The following USP9X variants were observed in gnomAD, a reference collection of about 807,000 sequenced individuals.
USP9X encodes the protein ubiquitin carboxyl-terminal hydrolase 9X.
USP9X carries 7 observed loss-of-function variants against 190.3 expected under a neutral mutation model. The observed-to-expected ratio is 0.04, with a 90% CI of 0.02 to 0.07. The LOEUF (loss-of-function observed/expected upper bound fraction) is 0.07, where lower values mean the gene tolerates loss of function less well. USP9X is among the 10% of genes least tolerant of loss of function. The pLI is 1.00. For missense variants in USP9X, 1,010 were observed against 1,916.9 expected (o/e 0.53, Z 8.83); for synonymous variants, 645 against 659.5 (o/e 0.98, Z 0.34).
At chrX:41,223,515 G>A (rs2063283483) in intron 39 of USP9X, 113 bp downstream of exon 39, 2 of 787,742 alleles carry the variant, frequency 2.5e-6, no homozygotes, top group Non-Finnish European at 3.7e-6. Context: ...TCGGCTCACT[G>A]TAACCTCCGC....
At chrX:41,174,609 T>C (rs2062757373) in intron 21 of USP9X, among the ~76,000 whole-genome samples, 1 of 112,055 alleles carries the variant, frequency 8.9e-6, no homozygotes, top group African/African-American at 3.2e-5. Context: ...TCAGATAGTA[T>C]GTAATTTCAA....
intron 39 of USP9X, among the ~76,000 whole-genome samples, chrX:41,223,637 A>G (rs779801584): frequency 4.6e-4 from 51 of 111,209 alleles, no homozygotes; most frequent in African/African-American, 1.4e-3. Context: ...GGGTTTCGCC[A>G]TGTTGGTCAT....
In USP9X at chrX:41,215,836, G is replaced by GT. The variant is rs200417100; in HGVS notation, c.5332-50dup. 143,264 of 686,033 alleles carry GT rather than the reference G, an allele frequency of 0.21. 1,204 individuals carry two copies. Among genetic ancestry groups the GT allele is most frequent in the East Asian group, 0.28 (6,055 of 21,580 alleles). 56.5% of individuals were successfully genotyped at this position (686,033 alleles called of 1,213,427 possible). ...AATATCATTTAAAAGTTTGCTTGGG[G>GT]TTTTTTTTTTTTTCCTGTGGATTTT... On this transcript the variant is annotated intron_variant, in intron 34 of 44. Transcript: ENST00000378308.
At chrX:41,169,338 T>C (rs1316638795) in intron 18 of USP9X, among the ~76,000 whole-genome samples, 3 of 111,973 alleles carry the variant, frequency 2.7e-5, no homozygotes, top group African/African-American at 6.5e-5. Context: ...ATAAGCGTTA[T>C]ATCTTGGATT....
Position 41,136,924 on chromosome X carries a change from A to G in USP9X, c.556A>G (p.Ile186Val). ...CTTAAATCCTCATTGCAAATTCCAT[A>G]TCTACAATGGTACACGTCCATGTGA... The part of the protein sequence containing the change: ...MALNPHCKFH[I>V]YNGTRPCESV... The change falls in exon 6 of 45, where the codon ATC (isoleucine) becomes GTC (valine). Residue 186 changes from isoleucine (I) to valine (V), a missense_variant. Around this residue, in one of 11 missense-constraint regions of USP9X, gnomAD observed 176 missense variants for 247.5 expected, o/e 0.71. Coordinates refer to ENST00000378308, the MANE Select transcript of USP9X (RefSeq NM_001039591.3). 8.3e-7 allele frequency: 1 copy of G among 1,211,564 alleles called. No individual in the cohort carries two copies. The highest frequency in any genetic ancestry group is 1.1e-6 in the Non-Finnish European group (1 of 895,215).
In USP9X at chrX:41,197,392, G is replaced by T; in HGVS notation, c.4262G>T (p.Gly1421Val). 1 of 1,185,364 alleles carries T rather than the reference G, an allele frequency of 8.4e-7. No homozygotes were observed. Among genetic ancestry groups the T allele is most frequent in the Non-Finnish European group, 1.1e-6 (1 of 881,209 alleles). Reference protein sequence around the residue: ...RDDVKRTGETGIEETILEGHL... With the variant: ...RDDVKRTGETVIEETILEGHL... ...GATGTTAAAAGAACAGGAGAAACGG[G>T]TATTGAAGAGACGATCTTAGAGGGC... is the stretch of plus-strand genomic sequence containing the variant. Residue 1421 changes from glycine to valine, a missense_variant, in exon 29 of 45, where the codon GGT (glycine) becomes GTT (valine). Around this residue, in one of 11 missense-constraint regions of USP9X, gnomAD observed 351 missense variants for 480.8 expected, o/e 0.73. Transcript: ENST00000378308.
intron 10 of USP9X, 104 bp from the exon 11 acceptor site, chrX:41,144,413 TAAATG>T (rs1224236082): frequency 1.6e-6 from 1 of 625,329 alleles, no homozygotes; most frequent in Non-Finnish European, 2.6e-6. Context: ...GTTACATAGT[TAAATG>T]AAGGAGATAG....
intron 33 of USP9X, 110 bp downstream of exon 33, chrX:41,210,792 A>G (rs1313210378): frequency 1.3e-6 from 1 of 758,963 alleles, no homozygotes; most frequent in Admixed American, 3.6e-5. Flanking sequence ...ACTGATTACT[A>G]AATACCTGAA....
At chrX:41,174,919 G>A (rs1305919873) in intron 21 of USP9X, among the ~76,000 whole-genome samples, 1 of 111,238 alleles carries the variant, frequency 9.0e-6, no homozygotes, top group Non-Finnish European at 1.9e-5. Flanking sequence ...GGGAGGCGGA[G>A]GTTGCGTTGA....
chrX:41,117,601 G>A lies in USP9X; in HGVS notation c.-158-5870G>A, dbSNP rs182763898. On this transcript the variant is annotated intron_variant, in intron 1 of 44. Transcript: ENST00000378308. ...CTTCTTTTTTTTTTTTTTTTGAGACGGAGTTTTGCTCTGTTGCCCAGGCTG... is the reference window on the plus strand; with the variant it reads ...CTTCTTTTTTTTTTTTTTTTGAGACAGAGTTTTGCTCTGTTGCCCAGGCTG... Among the ~76,000 whole-genome samples, 842 of 93,787 alleles carry A rather than the reference G, an allele frequency of 9.0e-3. 9 individuals are homozygous for A. Among genetic ancestry groups the A allele is most frequent in the African/African-American group, 0.031 (758 of 24,339 alleles). The allele number at this position is 93,787 out of a possible 115,157, so 81.4% of individuals were successfully genotyped here.
intron 6 of USP9X, among the ~76,000 whole-genome samples, chrX:41,139,175 T>C (rs1234549900): frequency 8.9e-6 from 1 of 112,461 alleles, no homozygotes; most frequent in Non-Finnish European, 1.9e-5. Flanking sequence ...TAAAATATAT[T>C]ACATAATGAG....
intron 1 of USP9X, among the ~76,000 whole-genome samples, chrX:41,115,814 A>G (rs2062144028): frequency 8.9e-6 from 1 of 112,055 alleles, no homozygotes; most frequent in South Asian, 3.7e-4. Flanking sequence ...TAAGTATCCT[A>G]GGATCATATG....
chrX:41,212,719 GTATTAAA>G (rs1466795305), intron 33 of USP9X, among the ~76,000 whole-genome samples: 1 of 111,384 alleles, frequency 9.0e-6, no homozygotes, highest in African/African-American at 3.3e-5. Flanking sequence ...AATCCAAACT[GTATTAAA>G]TATAGTCATG....
At position 41,140,600 on chromosome X, in the gene USP9X, C is replaced by A. The variant is rs41298468; in HGVS notation, c.655-56C>A. On this transcript the variant is annotated intron_variant, in intron 6 of 44. Coordinates refer to ENST00000378308, the MANE Select transcript of USP9X (RefSeq NM_001039591.3). ...GTATATTTCAATAAGGCTTTTTTTTCGTGCTTTTTACCCTTTAAAGTAGGA... is the reference window on the plus strand; with the variant it reads ...GTATATTTCAATAAGGCTTTTTTTTAGTGCTTTTTACCCTTTAAAGTAGGA... The A allele has an allele frequency of 0.11, 94,915 of 850,086 alleles. 4,570 individuals are homozygous for A. Among genetic ancestry groups the A allele is most frequent in the Admixed American group, 0.25 (8,351 of 32,831 alleles). The allele number at this position is 850,086 out of a possible 1,213,427, so 70.1% of individuals were successfully genotyped here. A position where few individuals can be genotyped will look rare whatever the true frequency, so the allele number is the denominator to read the frequency against.
chrX:41,212,669 G>A (rs1427041164), intron 33 of USP9X, among the ~76,000 whole-genome samples: 1 of 111,025 alleles, frequency 9.0e-6, no homozygotes, highest in African/African-American at 3.3e-5. Flanking sequence ...ATTTGCAATC[G>A]TTTTTCACCA....
intron 20 of USP9X, 185 bp from the exon 21 acceptor site, chrX:41,171,653 T>TG (rs2062726665): frequency 1.9e-6 from 1 of 514,559 alleles, no homozygotes; most frequent in Non-Finnish European, 3.4e-6. Flanking sequence ...AGTGACTTGA[T>TG]GATGTATTTG....
intron 21 of USP9X, among the ~76,000 whole-genome samples, chrX:41,179,584 A>G (rs966549245): frequency 2.7e-5 from 3 of 111,493 alleles, no homozygotes; most frequent in Non-Finnish European, 5.6e-5. Context: ...AGTTTTGTAT[A>G]TTGATTTTTG....
intron 20 of USP9X, among the ~76,000 whole-genome samples, chrX:41,170,918 C>T (rs909277238): frequency 9.0e-6 from 1 of 111,643 alleles, no homozygotes; most frequent in African/African-American, 3.3e-5. Flanking sequence ...AGTCATCCCT[C>T]GTATACGTGG....
intron 21 of USP9X, among the ~76,000 whole-genome samples, chrX:41,181,571 C>T (rs759387802): frequency 2.7e-3 from 288 of 106,713 alleles, no homozygotes; most frequent in Middle Eastern, 9.7e-3. Context: ...GCCTCAGCCT[C>T]CCGAGTAGCT....
Sources: allele counts gnomAD v4.1 joint callset (sites outside exome capture counted in the v4.1 genomes callset), GRCh38; gene constraint gnomAD v4.1.1; regional missense constraint gnomAD v4.1.1; transcripts MANE v1.5; gene names NCBI Gene and HGNC (gene_info 2026-07-23, HGNC 2026-07-21).